Variants in LRRC49 observed in about 807,000 individuals in gnomAD.
The protein encoded by LRRC49 is leucine rich repeat containing 49.
LRRC49 carries 50 observed loss-of-function variants against 83.3 expected under a neutral mutation model. That is an observed-to-expected ratio of 0.60 (90% confidence interval 0.48 to 0.76). The LOEUF (loss-of-function observed/expected upper bound fraction) is 0.76. Among genes scored for constraint, LRRC49 ranks in the 30% least tolerant of loss-of-function variants. The pLI, the probability that LRRC49 is intolerant of heterozygous loss-of-function variation, is 0.00. For synonymous variants in LRRC49, 286 were observed against 283.3 expected, an observed-to-expected ratio of 1.01 and a Z score of -0.10; for missense variants, 704 against 809.1, an observed-to-expected ratio of 0.87 and a Z score of 1.58.
At chr15:70,943,503 A>G (rs1044630459) in intron 8 of LRRC49, among the ~76,000 whole-genome samples, 1 of 152,176 alleles carries the variant, frequency 6.6e-6, no homozygotes, top group African/African-American at 2.4e-5. Flanking sequence ...CATACTTCCC[A>G]GGTCTTGCAT....
At chr15:70,945,726 A>C (rs1192640266) in intron 8 of LRRC49, among the ~76,000 whole-genome samples, 1 of 151,904 alleles carries the variant, frequency 6.6e-6, no homozygotes, top group Non-Finnish European at 1.5e-5. Flanking sequence ...TGGTTAAAAG[A>C]GGAGGGTATT....
At position 71,008,578 on chromosome 15, in the gene LRRC49, G is replaced by T; in HGVS notation, c.1369G>T (p.Val457Leu). 1 of 1,612,448 alleles carries T rather than the reference G, an allele frequency of 6.2e-7. No homozygotes were observed. Among genetic ancestry groups the T allele is most frequent in the Non-Finnish European group, 8.5e-7 (1 of 1,178,942 alleles). ...TFIEFDEIVQ[V>L]LPKLKIKFPN... ...CATAGAATTTGATGAAATCGTCCAA[G>T]TGCTTCCTAAACTGAAGATTAAGTT... The change falls in exon 12 of 16, where the codon GTG becomes TTG. Residue 457 changes from valine (V) to leucine (L), a missense_variant. Coordinates refer to ENST00000260382, the MANE Select transcript of LRRC49 (RefSeq NM_017691.5).
chr15:70,870,078 T>G (rs1345057122), intron 1 of LRRC49, among the ~76,000 whole-genome samples: 1 of 152,236 alleles, frequency 6.6e-6, no homozygotes, highest in African/African-American at 2.4e-5. Context: ...TTTCTTTCAG[T>G]TTGGTACAAA....
intron 2 of LRRC49, among the ~76,000 whole-genome samples, chr15:70,879,488 T>C (rs1338078234): frequency 2.0e-5 from 3 of 152,224 alleles, no homozygotes; most frequent in Non-Finnish European, 4.4e-5. Flanking sequence ...TAACAGCTGG[T>C]TAACTTGGCT....
intron 8 of LRRC49, among the ~76,000 whole-genome samples, chr15:70,949,907 T>C (rs2036154275): frequency 1.3e-5 from 2 of 152,148 alleles, no homozygotes; most frequent in Admixed American, 1.3e-4. Flanking sequence ...ATGATCCCAT[T>C]ACCAAGGTAG....
intron 11 of LRRC49, among the ~76,000 whole-genome samples, chr15:70,986,460 C>A (rs961453098): frequency 2.6e-5 from 4 of 152,072 alleles, no homozygotes; most frequent in Admixed American, 1.3e-4. Flanking sequence ...TATAAGAATG[C>A]TTGTGATTTT....
At chr15:70,984,321 G>T in intron 11 of LRRC49, 64 bp downstream of exon 11, 2 of 1,367,596 alleles carry the variant, frequency 1.5e-6, no homozygotes, top group South Asian at 3.1e-5. Context: ...GTGGGAATTA[G>T]AAACCATTTT....
chr15:70,910,293 G>A (rs2034497941), intron 5 of LRRC49, among the ~76,000 whole-genome samples: 1 of 152,110 alleles, frequency 6.6e-6, no homozygotes, highest in South Asian at 2.1e-4. Flanking sequence ...AGATAAAGTG[G>A]AGACAGAAAT....
chr15:71,044,732 G>A (rs1010129015), intron 15 of LRRC49, among the ~76,000 whole-genome samples: 5 of 151,972 alleles, frequency 3.3e-5, no homozygotes, highest in Non-Finnish European at 7.4e-5. Flanking sequence ...GTTGCAGTGA[G>A]CGGAGATCAT....
chr15:70,859,109 C>T (rs778920719), intron 1 of LRRC49: 160 of 1,433,490 alleles, frequency 1.1e-4, no homozygotes, highest in Non-Finnish European at 1.4e-4. Flanking sequence ...GAAGATGGCT[C>T]GGAACAACAA....
At chr15:70,987,733 G>A (rs2037685484) in intron 11 of LRRC49, among the ~76,000 whole-genome samples, 1 of 152,060 alleles carries the variant, frequency 6.6e-6, no homozygotes, top group South Asian at 2.1e-4. Context: ...ATGTTAGGGT[G>A]TCAATTTTGG....
intron 1 of LRRC49, among the ~76,000 whole-genome samples, chr15:70,855,929 C>T (rs192319758): frequency 2.0e-5 from 3 of 152,276 alleles, no homozygotes; most frequent in South Asian, 2.1e-4. Flanking sequence ...AGAGCTGCAG[C>T]AGCCACCATG....
At chr15:70,907,886 A>C in intron 5 of LRRC49, 1 of 432,888 alleles carries the variant, frequency 2.3e-6, no homozygotes. Flanking sequence ...ATTTGGGGGC[A>C]CTGGCTAGGA....
chr15:71,039,520 T>C (rs2039633459), intron 15 of LRRC49, among the ~76,000 whole-genome samples: 1 of 152,222 alleles, frequency 6.6e-6, no homozygotes, highest in African/African-American at 2.4e-5. Flanking sequence ...AGTAACGTAG[T>C]ATTTGCATGT....
At chr15:70,939,285 G>A (rs2035716630) in intron 8 of LRRC49, among the ~76,000 whole-genome samples, 1 of 152,122 alleles carries the variant, frequency 6.6e-6, no homozygotes, top group African/African-American at 2.4e-5. Context: ...GCATGTATGT[G>A]TTCTTAGTAC....
intron 8 of LRRC49, among the ~76,000 whole-genome samples, chr15:70,954,237 A>C (rs1567068107): frequency 6.6e-6 from 1 of 152,124 alleles, no homozygotes; most frequent in Non-Finnish European, 1.5e-5. Context: ...TTCTGCTTTT[A>C]ATGCATCCAA....
chr15:70,981,891 C>CTT (rs11339326), intron 10 of LRRC49, among the ~76,000 whole-genome samples: 13 of 112,024 alleles, frequency 1.2e-4, no homozygotes, highest in Admixed American at 1.9e-4. Flanking sequence ...TTTGCTTCTT[C>CTT]TTTTTTTTTT....
intron 7 of LRRC49, among the ~76,000 whole-genome samples, chr15:70,929,693 C>G (rs2035336788): frequency 6.6e-6 from 1 of 152,174 alleles, no homozygotes; most frequent in Non-Finnish European, 1.5e-5. Context: ...CCTCTCAAAC[C>G]CTGCTGGTGC....
chr15:70,883,710 A>C (rs1253356087), intron 2 of LRRC49, among the ~76,000 whole-genome samples: 1 of 150,212 alleles, frequency 6.7e-6, no homozygotes, highest in Non-Finnish European at 1.5e-5. Context: ...GTGCAGAAGC[A>C]TGATCTTGGC....
Sources: allele counts gnomAD v4.1 joint callset (sites outside exome capture counted in the v4.1 genomes callset), GRCh38; gene constraint gnomAD v4.1.1; transcripts MANE v1.5; gene names NCBI Gene and HGNC (gene_info 2026-07-23, HGNC 2026-07-21).